SEMA6D: variants seen among roughly 807,000 people sequenced by gnomAD.
SEMA6D encodes the protein semaphorin-6D.
A neutral mutation model predicts 106.6 loss-of-function variants in SEMA6D; 35 were observed. The observed-to-expected ratio is 0.33, with a 90% confidence interval of 0.25 to 0.44. The LOEUF (loss-of-function observed/expected upper bound fraction) is 0.44. SEMA6D is among the 20% of genes least tolerant of loss of function. The pLI is 1.00. For missense variants in SEMA6D, 1,185 were observed against 1,345.9 expected, an observed-to-expected ratio of 0.88 and a Z score of 1.87; for synonymous variants, 499 against 487.7, an observed-to-expected ratio of 1.02 and a Z score of -0.31.
At position 47,764,321 on chromosome 15, in the gene SEMA6D, GA is replaced by G; in HGVS notation, c.1097+20del. 6.2e-7 allele frequency: 1 copy of G among 1,609,116 alleles called. No individual in the cohort carries two copies. The highest frequency in any genetic ancestry group is 2.2e-5 in the East Asian group (1 of 44,786). ...CAAAGCCAAGGTAAATAAAAAAGTA[GA>G]AAAGGGTTTTGTCTTGAACAAAACC... On this transcript the variant is annotated intron_variant, in intron 11 of 18. Transcript: ENST00000536845.
intron 2 of SEMA6D, among the ~76,000 whole-genome samples, chr15:47,463,395 C>T (rs184841928): frequency 6.6e-6 from 1 of 152,290 alleles, no homozygotes; most frequent in East Asian, 1.9e-4. Context: ...TGACTCAATT[C>T]GTATAGCCCT....
At chr15:47,550,753 A>G (rs2045661306) in intron 3 of SEMA6D, among the ~76,000 whole-genome samples, 1 of 152,164 alleles carries the variant, frequency 6.6e-6, no homozygotes, top group Admixed American at 6.6e-5. Flanking sequence ...TAATTTTTCA[A>G]GAGGTACATG....
intron 4 of SEMA6D, among the ~76,000 whole-genome samples, chr15:47,622,517 C>A (rs999394990): frequency 2.0e-5 from 3 of 152,128 alleles, no homozygotes; most frequent in Non-Finnish European, 4.4e-5. Context: ...TAATGCATCT[C>A]TTCAACTTTG....
chr15:47,414,691 C>G (rs1448263669), intron 2 of SEMA6D, among the ~76,000 whole-genome samples: 1 of 152,156 alleles, frequency 6.6e-6, no homozygotes, highest in East Asian at 1.9e-4. Context: ...GCCTTGGAGC[C>G]TCTTGTCTCT....
At chr15:47,585,607 C>T (rs1484262987) in intron 3 of SEMA6D, among the ~76,000 whole-genome samples, 1 of 152,104 alleles carries the variant, frequency 6.6e-6, no homozygotes, top group Non-Finnish European at 1.5e-5. Flanking sequence ...AATAGCTCAA[C>T]CAAGCAGCGT....
At chr15:47,414,649 A>G (rs1013837586) in intron 2 of SEMA6D, among the ~76,000 whole-genome samples, 15 of 152,214 alleles carry the variant, frequency 9.9e-5, no homozygotes, top group African/African-American at 3.6e-4. Flanking sequence ...GACTTGCATC[A>G]TTTAGAAAGT....
intron 3 of SEMA6D, among the ~76,000 whole-genome samples, chr15:47,535,126 A>G (rs1210650252): frequency 1.3e-5 from 2 of 148,352 alleles, no homozygotes; most frequent in Non-Finnish European, 3.0e-5. Flanking sequence ...AACACAAAAA[A>G]CAACAATGAG....
intron 1 of SEMA6D, among the ~76,000 whole-genome samples, chr15:47,388,057 G>T (rs2039900760): frequency 1.3e-5 from 2 of 152,026 alleles, no homozygotes; most frequent in Admixed American, 1.3e-4. Flanking sequence ...GGGCTCCCTG[G>T]GGATAGGTAG....
At chr15:47,545,037 A>G (rs552466847) in intron 3 of SEMA6D, among the ~76,000 whole-genome samples, 1 of 152,218 alleles carries the variant, frequency 6.6e-6, no homozygotes, top group South Asian at 2.1e-4. Flanking sequence ...GCTATGTAAG[A>G]AATGGTTTCT....
intron 3 of SEMA6D, among the ~76,000 whole-genome samples, chr15:47,541,464 T>G (rs2045352444): frequency 6.6e-6 from 1 of 152,210 alleles, no homozygotes; most frequent in African/African-American, 2.4e-5. Flanking sequence ...TTGCTTGATC[T>G]CTACTTGGTT....
In SEMA6D at chr15:47,772,009, A is replaced by T. The variant is rs2082650378; in HGVS notation, c.*224A>T. On this transcript the variant is annotated 3_prime_UTR_variant, in exon 19 of 19. Transcript: ENST00000536845. Reference sequence around the variant, plus strand: ...AACAAAGGAAGGTGCTGGTCATTCCATTTCTTTTGTTTGAAGCTAAAGAGA... The same window carrying T: ...AACAAAGGAAGGTGCTGGTCATTCCTTTTCTTTTGTTTGAAGCTAAAGAGA... 61 of 537,142 alleles carry T rather than the reference A, an allele frequency of 1.1e-4. No homozygotes were observed. In the South Asian group the frequency reaches 1.7e-3, roughly 15 times the overall value. The allele number at this position is 537,142 out of a possible 1,614,324, so 33.3% of individuals were successfully genotyped here.
chr15:47,221,368 G>A (rs1465244513), intron 1 of SEMA6D, among the ~76,000 whole-genome samples: 1 of 152,128 alleles, frequency 6.6e-6, no homozygotes, highest in Admixed American at 6.5e-5. Context: ...GGATGTTAAA[G>A]GCTTCCCTGT....
intron 1 of SEMA6D, among the ~76,000 whole-genome samples, chr15:47,383,596 C>G (rs1376416792): frequency 6.6e-6 from 1 of 151,942 alleles, no homozygotes; most frequent in Non-Finnish European, 1.5e-5. Context: ...TGATTGTTTT[C>G]TATGGGTCAG....
chr15:47,456,985 A>G (rs2042364216), intron 2 of SEMA6D, among the ~76,000 whole-genome samples: 1 of 152,036 alleles, frequency 6.6e-6, no homozygotes, highest in Non-Finnish European at 1.5e-5. Flanking sequence ...ATCTTGAGAA[A>G]GAACCAATAA....
chr15:47,641,896 G>A (rs954641746), intron 4 of SEMA6D, among the ~76,000 whole-genome samples: 6 of 152,172 alleles, frequency 3.9e-5, no homozygotes, highest in African/African-American at 1.4e-4. Flanking sequence ...GCACTCCTAT[G>A]TGGAGAGCTC....
chr15:47,536,077 A>G (rs543309386), intron 3 of SEMA6D, among the ~76,000 whole-genome samples: 1 of 152,264 alleles, frequency 6.6e-6, no homozygotes, highest in Non-Finnish European at 1.5e-5. Context: ...CTGCTTTGGA[A>G]AGATTGATCT....
At chr15:47,526,741 T>TTA (rs2044770823) in intron 3 of SEMA6D, among the ~76,000 whole-genome samples, 1 of 147,306 alleles carries the variant, frequency 6.8e-6, no homozygotes, top group Admixed American at 6.7e-5. Flanking sequence ...ATTATTATTA[T>TTA]TTTTTTTTTT....
chr15:47,452,925 A>C (rs2140947529), intron 2 of SEMA6D, among the ~76,000 whole-genome samples: 1 of 152,128 alleles, frequency 6.6e-6, no homozygotes, highest in South Asian at 2.1e-4. Flanking sequence ...GAATGTATTT[A>C]CAGTTGAAAT....
intron 4 of SEMA6D, among the ~76,000 whole-genome samples, chr15:47,607,815 G>A (rs1240944405): frequency 2.0e-5 from 3 of 152,224 alleles, no homozygotes; most frequent in Non-Finnish European, 4.4e-5. Context: ...TTTCTTTAAA[G>A]AGAGAGAAGC....
Sources: gnomAD v4.1 joint callset for allele counts (sites outside exome capture counted in the v4.1 genomes callset) on GRCh38, gnomAD v4.1.1 for gene constraint, MANE v1.5 for transcripts, NCBI Gene and HGNC (gene_info 2026-07-23, HGNC 2026-07-21) for gene names.